Variants in TMCO4 observed in about 807,000 individuals in gnomAD.
TMCO4 encodes transmembrane and coiled-coil domain-containing protein 4.
Under a neutral mutation model 64.7 loss-of-function variants are expected in TMCO4, and 58 were observed. That is an observed-to-expected ratio of 0.90 (90% CI 0.73 to 1.12). TMCO4 has a LOEUF of 1.12. Among genes scored for constraint, TMCO4 ranks in the 50% most tolerant of loss-of-function variants. The pLI is 0.00. For missense variants in TMCO4, 780 were observed against 825.9 expected (o/e 0.94, Z 0.68); for synonymous variants, 325 against 346.1 (o/e 0.94, Z 0.68).
Position 19,772,145 on chromosome 1 carries a change from A to G in TMCO4, c.180-663T>C, listed in dbSNP as rs2043014038. On this transcript the variant is annotated intron_variant, in intron 4 of 15. Coordinates refer to ENST00000294543, the MANE Select transcript of TMCO4 (RefSeq NM_181719.7). ...TCACAGCAGGGTGGATGCTCAAGTA[A>G]CCAAGTGACTCTAGAGCCGTGTGGT... Among the ~76,000 whole-genome samples, 3 of 152,160 alleles carry G rather than the reference A, an allele frequency of 2.0e-5. No homozygotes were observed. In the South Asian group the frequency reaches 6.2e-4, roughly 32 times the overall value.
At chr1:19,778,789 C>T (rs953968200) in intron 4 of TMCO4, among the ~76,000 whole-genome samples, 1 of 152,184 alleles carries the variant, frequency 6.6e-6, no homozygotes, top group African/African-American at 2.4e-5. Context: ...TTTTCACGAA[C>T]CTTTACCAGG....
rs1207016373 is a variant in TMCO4 at position 19,747,156 on chromosome 1, G to A, written c.613+7C>T. On this transcript the variant is annotated splice_region_variant and intron_variant, in intron 8 of 15. Coordinates refer to ENST00000294543, the MANE Select transcript of TMCO4 (RefSeq NM_181719.7). ...AGACGTGTGCCACCATCTCTAGCTG[G>A]ACTCACCGATCACCGTTCCGCCTCC... The A allele has an allele frequency of 2.4e-5, 39 of 1,613,350 alleles. No individual in the cohort carries two copies. Among genetic ancestry groups the A allele is most frequent in the Non-Finnish European group, 3.1e-5 (37 of 1,179,546 alleles).
chr1:19,790,933 A>G (rs2101127623), intron 2 of TMCO4, among the ~76,000 whole-genome samples: 1 of 152,210 alleles, frequency 6.6e-6, no homozygotes, highest in African/African-American at 2.4e-5. Flanking sequence ...GATAGATTGG[A>G]TAAAGAAAAT....
At chr1:19,750,587 G>A (rs975728057) in intron 7 of TMCO4, among the ~76,000 whole-genome samples, 2 of 152,044 alleles carry the variant, frequency 1.3e-5, no homozygotes, top group African/African-American at 2.4e-5. Context: ...TTCCCTCCTT[G>A]CCTGCCTGGC....
chr1:19,755,570 T>A (rs1570912677), intron 7 of TMCO4, 64 bp downstream of exon 7: 1 of 1,600,116 alleles, frequency 6.2e-7, no homozygotes, highest in East Asian at 2.2e-5. Flanking sequence ...GGGACTCTGT[T>A]ATCTGCAAAG....
intron 2 of TMCO4, among the ~76,000 whole-genome samples, chr1:19,795,173 TAA>T (rs35761504): frequency 1.2e-4 from 17 of 147,530 alleles, no homozygotes; most frequent in East Asian, 7.9e-4. Context: ...ATTTTTACCT[TAA>T]AAAAAAAAAT....
intron 2 of TMCO4, among the ~76,000 whole-genome samples, chr1:19,795,856 C>T (rs1377395428): frequency 6.6e-6 from 1 of 152,256 alleles, no homozygotes; most frequent in Admixed American, 6.5e-5. Context: ...CATCTATCCA[C>T]AGGCTCACAT....
intron 4 of TMCO4, among the ~76,000 whole-genome samples, chr1:19,778,871 C>T (rs2281239): frequency 0.022 from 3,301 of 152,288 alleles, 71 homozygotes; most frequent in East Asian, 0.065. Flanking sequence ...CCTGCCCTCC[C>T]GAGCTCAGAC....
rs897174991 is a variant in TMCO4 at position 19,720,952 on chromosome 1, GA to G, written c.1264+16419del. Among the ~76,000 whole-genome samples, 973 of 147,102 alleles carry G rather than the reference GA, an allele frequency of 6.6e-3. 5 individuals are homozygous for G. The highest frequency in any genetic ancestry group is 0.019 in the African/African-American group (777 of 40,108). Reference sequence around the variant, plus strand: ...TCAGGGAATCTTAGATACGAGGAAAGAAAAAAAAAACAGTTTCCATTACAGA... The same window carrying G: ...TCAGGGAATCTTAGATACGAGGAAAGAAAAAAAAACAGTTTCCATTACAGA... On this transcript the variant is annotated intron_variant, in intron 13 of 15. Coordinates refer to ENST00000294543, the MANE Select transcript of TMCO4 (RefSeq NM_181719.7).
At chr1:19,713,524 C>T (rs1293832181) in intron 13 of TMCO4, among the ~76,000 whole-genome samples, 2 of 151,962 alleles carry the variant, frequency 1.3e-5, no homozygotes, top group Non-Finnish European at 2.9e-5. Context: ...GAGGAGTGAG[C>T]CCAGGTAGAA....
At chr1:19,714,783 C>T (rs902872891) in intron 13 of TMCO4, among the ~76,000 whole-genome samples, 2 of 151,888 alleles carry the variant, frequency 1.3e-5, no homozygotes, top group Non-Finnish European at 1.5e-5. Flanking sequence ...ATTAGCTGGG[C>T]GTGGTGGTGG....
intron 3 of TMCO4, among the ~76,000 whole-genome samples, chr1:19,786,724 G>A (rs2043762400): frequency 6.6e-6 from 1 of 152,154 alleles, no homozygotes; most frequent in African/African-American, 2.4e-5. Flanking sequence ...CTTCCTGTGA[G>A]CCTATAATTA....
intron 4 of TMCO4, among the ~76,000 whole-genome samples, chr1:19,776,849 A>G (rs2043227886): frequency 6.6e-6 from 1 of 152,074 alleles, no homozygotes; most frequent in South Asian, 2.1e-4. Flanking sequence ...CAACACGGTG[A>G]AACCCCGTCT....
chr1:19,760,937 T>A (rs1179086613), intron 6 of TMCO4, among the ~76,000 whole-genome samples: 1 of 152,246 alleles, frequency 6.6e-6, no homozygotes, highest in Non-Finnish European at 1.5e-5. Flanking sequence ...CTGGATGAGA[T>A]GTATATCCCC....
At chr1:19,761,094 T>C (rs1360309959) in intron 6 of TMCO4, among the ~76,000 whole-genome samples, 2 of 152,168 alleles carry the variant, frequency 1.3e-5, no homozygotes, top group African/African-American at 4.8e-5. Context: ...GCGGGTACTA[T>C]AGAAACTCCA....
intron 7 of TMCO4, among the ~76,000 whole-genome samples, chr1:19,753,249 T>C (rs955032910): frequency 4.9e-4 from 75 of 152,156 alleles, no homozygotes; most frequent in African/African-American, 1.8e-3. Context: ...TGTGAGCCAC[T>C]GCGCCTGGCC....
At chr1:19,747,460 A>G (rs1005967597) in intron 7 of TMCO4, among the ~76,000 whole-genome samples, 200 bp from the exon 8 acceptor site, 1 of 152,214 alleles carries the variant, frequency 6.6e-6, no homozygotes, top group Non-Finnish European at 1.5e-5. Context: ...ATCTCAGTGT[A>G]TGGGATGTAC....
chr1:19,771,205 T>C (rs1302617031), intron 5 of TMCO4, 103 bp downstream of exon 5: 7 of 1,270,590 alleles, frequency 5.5e-6, no homozygotes, highest in Non-Finnish European at 7.7e-6. Context: ...ATATTTTATC[T>C]TCCAACTGCT....
chr1:19,770,102 C>T (rs752571801), intron 6 of TMCO4, among the ~76,000 whole-genome samples: 3 of 152,178 alleles, frequency 2.0e-5, no homozygotes, highest in Admixed American at 6.5e-5. Context: ...GGAGCCACTT[C>T]GAGGCAGTTA....
Sources: allele counts gnomAD v4.1 joint callset (sites outside exome capture counted in the v4.1 genomes callset), GRCh38; gene constraint gnomAD v4.1.1; transcripts MANE v1.5; gene names NCBI Gene and HGNC (gene_info 2026-07-23, HGNC 2026-07-21).